Variants in AVEN observed in about 807,000 individuals in gnomAD.
AVEN encodes the protein cell death regulator Aven.
Under a neutral mutation model 38.1 loss-of-function variants are expected in AVEN, and 41 were observed. The observed-to-expected ratio is 1.08, with a 90% CI of 0.84 to 1.40. AVEN has a LOEUF of 1.40. Ranked by LOEUF, AVEN falls within the 40% of genes most tolerant of loss-of-function variation. AVEN has a pLI of 0.00. For missense variants in AVEN, 605 were observed against 438.8 expected (o/e 1.38, Z -3.38); for synonymous variants, 206 against 171.8 (o/e 1.20, Z -1.56).
rs190115263 is a variant in AVEN, at chr15:33,954,951, T to C, written c.445+48081A>G. ...GAAAGGGCCACTGGAAGGTACCAAA[T>C]GGCTATCTTTCTACAGCTTTGCACT... On this transcript the variant is annotated intron_variant, in intron 2 of 5. Transcript: ENST00000306730. Among the ~76,000 whole-genome samples the C allele has an allele frequency of 4.6e-5, 7 of 152,320 alleles. No homozygotes were observed. In the East Asian group the frequency reaches 1.2e-3, roughly 25 times the overall value.
At chr15:34,034,700 A>G (rs1261131835) in intron 1 of AVEN, among the ~76,000 whole-genome samples, 1 of 152,206 alleles carries the variant, frequency 6.6e-6, no homozygotes, top group East Asian at 1.9e-4. Flanking sequence ...TCAGTGAGAA[A>G]AGCAACTTAA....
At position 34,063,982 on chromosome 15, in the gene AVEN, C is replaced by T. The variant is rs1346655192; in HGVS notation, n.1127-550G>A. On this transcript the variant is annotated intron_variant and non_coding_transcript_variant, in intron 4 of 11. Coordinates refer to the AVEN transcript ENST00000675287. The surrounding 1 kb of genome is among the most constrained non-coding windows in gnomAD (Gnocchi z 4.1). Reference sequence around the variant, plus strand: ...TCAACGAAAGGCCTCAATCCCAACCCCAGCCATCAAATGACCAAACGAAAG... The same window carrying T: ...TCAACGAAAGGCCTCAATCCCAACCTCAGCCATCAAATGACCAAACGAAAG... The T allele has an allele frequency of 6.2e-7, 1 of 1,614,060 alleles. No homozygotes were observed. The highest frequency in any genetic ancestry group is 1.3e-5 in the African/African-American group (1 of 74,940).
At chr15:33,992,945 C>A (rs1291865255) in intron 2 of AVEN, among the ~76,000 whole-genome samples, 1 of 152,138 alleles carries the variant, frequency 6.6e-6, no homozygotes, top group Non-Finnish European at 1.5e-5. Flanking sequence ...CTATACTGAC[C>A]AAACTGCAGT....
At chr15:34,043,681 A>G (rs1195479401), upstream of AVEN, among the ~76,000 whole-genome samples, 1 of 152,236 alleles carries the variant, frequency 6.6e-6, no homozygotes, top group African/African-American at 2.4e-5. Flanking sequence ...GGCTGGAGTC[A>G]TGATTAGAGA....
In AVEN at chr15:34,031,055, A is replaced by T. The variant is rs528940954; in HGVS notation, c.267+7725T>A. On this transcript the variant is annotated intron_variant, in intron 1 of 5. Coordinates refer to ENST00000306730, the MANE Select transcript of AVEN (RefSeq NM_020371.3). ...ACAAACTCTTGGTGTCAGTAACTTGACACAGTTAAATACAAAAATAGAGGA... is the reference window on the plus strand; with the variant it reads ...ACAAACTCTTGGTGTCAGTAACTTGTCACAGTTAAATACAAAAATAGAGGA... Among the ~76,000 whole-genome samples, 8 of 152,264 alleles carry T rather than the reference A, an allele frequency of 5.3e-5. No individual in the cohort carries two copies. In the East Asian group the frequency reaches 1.3e-3, roughly 26 times the overall value.
upstream of AVEN, among the ~76,000 whole-genome samples, chr15:34,042,997 C>A (rs1024290377): frequency 1.3e-5 from 2 of 151,850 alleles, no homozygotes; most frequent in Admixed American, 1.3e-4. Context: ...CCTGTAATCC[C>A]AGCACTTTGG....
chr15:33,922,743 T>C (rs1893448764), intron 2 of AVEN, among the ~76,000 whole-genome samples: 1 of 152,190 alleles, frequency 6.6e-6, no homozygotes, highest in Non-Finnish European at 1.5e-5. Flanking sequence ...AGTTCCTGAT[T>C]TGACAACCTA....
At chr15:33,856,566 A>G (rs2079683147), downstream of AVEN, 1 of 152,310 alleles carries the variant, frequency 6.6e-6, no homozygotes, top group Admixed American at 6.5e-5. Flanking sequence ...AGTAACTTCA[A>G]AGTTGTGACA....
At chr15:33,864,044 C>G (rs1461075795), downstream of AVEN, 1 of 872,660 alleles carries the variant, frequency 1.1e-6, no homozygotes, top group East Asian at 2.6e-5. Context: ...AGCGTGGGAC[C>G]AACTAGCCTT....
intron 2 of AVEN, among the ~76,000 whole-genome samples, chr15:33,898,401 G>C (rs1344916138): frequency 2.0e-5 from 3 of 152,198 alleles, no homozygotes; most frequent in Admixed American, 6.5e-5. Context: ...CAGTTCTGGA[G>C]GTTAGAAGTC....
In AVEN at chr15:33,866,229, G is replaced by C; in HGVS notation, c.*384C>G. 5.2e-6 allele frequency: 1 copy of C among 192,306 alleles called. No individual in the cohort carries two copies. Among genetic ancestry groups the C allele is most frequent in the South Asian group, 1.2e-4 (1 of 8,084 alleles). The allele number at this position is 192,306 out of a possible 1,614,324, so 11.9% of individuals were successfully genotyped here. A position where few individuals can be genotyped will look rare whatever the true frequency, so the allele number is the denominator to read the frequency against. ...CACACAAGAAAGGAAAGGAAAACTGGACAGACCAGCATTTGTTTATTTTGG... is the reference window on the plus strand; with the variant it reads ...CACACAAGAAAGGAAAGGAAAACTGCACAGACCAGCATTTGTTTATTTTGG... On this transcript the variant is annotated 3_prime_UTR_variant, in exon 6 of 6. Coordinates refer to ENST00000306730, the MANE Select transcript of AVEN (RefSeq NM_020371.3).
chr15:34,050,533 C>T lies in AVEN; in HGVS notation n.1637+12389G>A, dbSNP rs562244709. Reference sequence around the variant, plus strand: ...CCTTAAACGTAAATAGGCTAAATGCCCCAATTAAAAGACACAGAATGACAA... The same window carrying T: ...CCTTAAACGTAAATAGGCTAAATGCTCCAATTAAAAGACACAGAATGACAA... On this transcript the variant is annotated intron_variant and non_coding_transcript_variant, in intron 5 of 11. Coordinates refer to the AVEN transcript ENST00000675287. Among the ~76,000 whole-genome samples the T allele has an allele frequency of 2.2e-3, 329 of 152,058 alleles. 1 individual carries two copies. The highest frequency in any genetic ancestry group is 7.5e-3 in the African/African-American group (310 of 41,468).
intron 5 of AVEN, among the ~76,000 whole-genome samples, chr15:34,062,474 G>T (rs1422905839): frequency 1.4e-5 from 2 of 146,298 alleles, no homozygotes; most frequent in African/African-American, 5.0e-5. Context: ...AGAATGGCCT[G>T]AACCCGGGAG....
At chr15:33,884,798 A>T (rs1197649839) in intron 2 of AVEN, among the ~76,000 whole-genome samples, 3 of 152,236 alleles carry the variant, frequency 2.0e-5, no homozygotes, top group African/African-American at 7.2e-5. Context: ...TTCAGAATGA[A>T]CAATACAGAT....
At chr15:33,868,295 G>C (rs1001185748) in intron 4 of AVEN, among the ~76,000 whole-genome samples, 1 of 152,070 alleles carries the variant, frequency 6.6e-6, no homozygotes, top group Non-Finnish European at 1.5e-5. Flanking sequence ...AGGCCAAGGT[G>C]GGTGGATCAT....
chr15:33,920,569 G>A (rs1017654953), intron 2 of AVEN, among the ~76,000 whole-genome samples: 1 of 152,090 alleles, frequency 6.6e-6, no homozygotes, highest in Non-Finnish European at 1.5e-5. Flanking sequence ...TCAACGAAAA[G>A]AACATGCTCC....
At chr15:33,869,701 A>T (rs114445650) in intron 4 of AVEN, among the ~76,000 whole-genome samples, 123 of 152,336 alleles carry the variant, frequency 8.1e-4, no homozygotes, top group African/African-American at 2.9e-3. Flanking sequence ...AATGCTATAC[A>T]GCAAATGAAT....
downstream of AVEN, chr15:33,857,982 G>T: frequency 1.3e-6 from 2 of 1,595,888 alleles, no homozygotes; most frequent in Non-Finnish European, 8.5e-7. Flanking sequence ...CACCTCACTG[G>T]GAAGAAGGGC....
intron 2 of AVEN, among the ~76,000 whole-genome samples, chr15:33,877,589 T>A (rs1891299122): frequency 6.6e-6 from 1 of 151,928 alleles, no homozygotes; most frequent in Admixed American, 6.5e-5. Context: ...CCGAGGAGGG[T>A]GGATCACTTG....
Sources: allele counts gnomAD v4.1 joint callset (sites outside exome capture counted in the v4.1 genomes callset), GRCh38; gene constraint gnomAD v4.1.1; non-coding constraint Gnocchi (gnomAD v3.1); transcripts MANE v1.5; gene names NCBI Gene and HGNC (gene_info 2026-07-23, HGNC 2026-07-21).